CIT: variants seen among roughly 807,000 people sequenced by gnomAD.
CIT encodes the protein citron rho-interacting serine/threonine kinase.
In CIT, 79 loss-of-function variants were observed where a neutral mutation model predicts 272.7. That is an observed-to-expected ratio of 0.29 (90% CI 0.24 to 0.35). The LOEUF (loss-of-function observed/expected upper bound fraction) is 0.35, where lower values mean the gene tolerates loss of function less well. CIT is among the 10% of genes least tolerant of loss of function. The probability of loss-of-function intolerance (pLI) is 1.00; values close to 1 mark genes in which losing one functional copy is unlikely to be tolerated. For synonymous variants in CIT, 948 were observed against 995.6 expected, an observed-to-expected ratio of 0.95 and a Z score of 0.90; for missense variants, 1,909 against 2,618.3, an observed-to-expected ratio of 0.73 and a Z score of 5.91.
Position 119,776,767 on chromosome 12 carries a change from G to T in CIT, c.1741C>A (p.Arg581=), listed in dbSNP as rs757102339. 1 of 1,613,912 alleles carries T rather than the reference G, an allele frequency of 6.2e-7. No homozygotes were observed. The highest frequency in any genetic ancestry group is 8.5e-7 in the Non-Finnish European group (1 of 1,179,998). ...LEEDLVSARR[R]SDLYESELRE... is the part of the protein sequence containing the mutation. Reference sequence around the variant, plus strand: ...AGCTCAGATTCGTAGAGATCACTCCGTCTTCTTGCTGAGACAAGATCCTCT... The same window carrying T: ...AGCTCAGATTCGTAGAGATCACTCCTTCTTCTTGCTGAGACAAGATCCTCT... The change falls in exon 14 of 48, where the codon CGG becomes AGG. Residue 581 remains arginine (R), a synonymous_variant. Transcript: ENST00000392521.
rs368757887 is a variant in CIT at position 119,738,489 on chromosome 12, G to A, written c.2959-3132C>T. On this transcript the variant is annotated intron_variant, in intron 24 of 47. Transcript: ENST00000392521. ...TTCCATCTTAGCAGCAAAAAAAGAT[G>A]AGCAAAATATCTTCACAACGCAGGC... Among the ~76,000 whole-genome samples, 3 of 152,132 alleles carry A rather than the reference G, an allele frequency of 2.0e-5. No homozygotes were observed. In the East Asian group the frequency reaches 5.8e-4, roughly 29 times the overall value.
chr12:119,784,118 G>A lies in CIT; in HGVS notation c.1402-67C>T, dbSNP rs1964546490. Reference sequence around the variant, plus strand: ...TTCATTAGGAGCAATCACATCTCAAGTAGCCTCCGAAACCACCTGGTGGTC... The same window carrying A: ...TTCATTAGGAGCAATCACATCTCAAATAGCCTCCGAAACCACCTGGTGGTC... On this transcript the variant is annotated intron_variant, in intron 11 of 47. Transcript: ENST00000392521. The surrounding 1 kb of genome is among the most constrained non-coding windows in gnomAD (Gnocchi z 4.7). 2 of 1,613,208 alleles carry A rather than the reference G, an allele frequency of 1.2e-6. No homozygotes were observed. The highest frequency in any genetic ancestry group is 1.1e-5 in the South Asian group (1 of 90,902).
Position 119,710,164 on chromosome 12 carries a change from T to C in CIT, c.5071+87A>G. ...GAGCTACAACGGCTCCTCTCTACTATTTTGTGTTTTACGAGCATGAAACGT... is the reference window on the plus strand; with the variant it reads ...GAGCTACAACGGCTCCTCTCTACTACTTTGTGTTTTACGAGCATGAAACGT... On this transcript the variant is annotated intron_variant, in intron 39 of 47. Coordinates refer to ENST00000392521, the MANE Select transcript of CIT (RefSeq NM_001206999.2). This position sits in a 1 kb window ranked among gnomAD's most constrained non-coding sequence, Gnocchi z 5.6. 1 of 1,449,858 alleles carries C rather than the reference T, an allele frequency of 6.9e-7. No homozygotes were observed. The highest frequency in any genetic ancestry group is 9.4e-7 in the Non-Finnish European group (1 of 1,059,734). 89.8% of individuals were successfully genotyped at this position (1,449,858 alleles called of 1,614,324 possible). A position where few individuals can be genotyped will look rare whatever the true frequency, so the allele number is the denominator to read the frequency against.
At chr12:119,841,944 C>T (rs962607571) in intron 5 of CIT, among the ~76,000 whole-genome samples, 5 of 152,150 alleles carry the variant, frequency 3.3e-5, no homozygotes, top group Middle Eastern at 3.2e-3. Context: ...TACATCTCTA[C>T]ATGCAACCAG....
intron 5 of CIT, among the ~76,000 whole-genome samples, chr12:119,843,769 C>G (rs1026286772): frequency 6.6e-6 from 1 of 151,902 alleles, no homozygotes; most frequent in Non-Finnish European, 1.5e-5. Context: ...AAGATCGCGC[C>G]ACTGCACTCC....
At chr12:119,818,807 G>A (rs777039157) in intron 9 of CIT, among the ~76,000 whole-genome samples, 5 of 152,206 alleles carry the variant, frequency 3.3e-5, no homozygotes, top group Admixed American at 6.5e-5. Context: ...ATTTCTCACT[G>A]TTGAGATATG....
chr12:119,717,834 C>CTTGCTTTTTTTTTTTTTTTT (rs1957596158), intron 32 of CIT, among the ~76,000 whole-genome samples: 1 of 70,244 alleles, frequency 1.4e-5, no homozygotes. Flanking sequence ...AGACTGACTT[C>CTTGCTTTTTTTTTTTTTTTT]TTTCTTTTTT....
At chr12:119,861,357 G>A (rs905843641) in intron 3 of CIT, among the ~76,000 whole-genome samples, 19 of 152,014 alleles carry the variant, frequency 1.2e-4, no homozygotes, top group African/African-American at 4.3e-4. Flanking sequence ...AGGCTGAAGC[G>A]GGTGGATCAC....
At chr12:119,699,770 G>A (rs1355742196) in intron 44 of CIT, 2 of 456,098 alleles carry the variant, frequency 4.4e-6, no homozygotes, top group South Asian at 1.5e-5. Flanking sequence ...AAGCCACGGA[G>A]TTGGGGCCAA....
chr12:119,690,730 G>C lies in CIT; in HGVS notation c.5883-276C>G, dbSNP rs1186863721. On this transcript the variant is annotated intron_variant, in intron 46 of 47. Transcript: ENST00000392521. The surrounding 1 kb of genome is among the most constrained non-coding windows in gnomAD (Gnocchi z 6.0). ...CAGGCCTGTGCTAAGTTCTTCATCT[G>C]CCATCTCTCATTATCTCATTAAATC... is the stretch of plus-strand genomic sequence containing the variant. Among the ~76,000 whole-genome samples the C allele has an allele frequency of 6.6e-6, 1 of 152,218 alleles. No homozygotes were observed. The highest frequency in any genetic ancestry group is 1.5e-5 in the Non-Finnish European group (1 of 68,038).
intron 12 of CIT, 31 bp from the exon 13 acceptor site, chr12:119,782,668 C>T (rs935541564): frequency 1.2e-6 from 2 of 1,611,388 alleles, no homozygotes; most frequent in South Asian, 1.1e-5. Flanking sequence ...AATAGGGATG[C>T]CCTGTGGATC....
In CIT at chr12:119,857,522, C is replaced by A. The variant is rs1166988833; in HGVS notation, c.414+1G>T. ...AAAGCATGATGTTAAAATCCTCCTA[C>A]CTGCTCCTGGGCCAATAAAGCCTTC... is the stretch of plus-strand genomic sequence containing the variant. On this transcript the variant is annotated splice_donor_variant, in intron 4 of 47. Coordinates refer to ENST00000392521, the MANE Select transcript of CIT (RefSeq NM_001206999.2). LOFTEE classifies it high-confidence loss of function. 1 of 1,614,000 alleles carries A rather than the reference C, an allele frequency of 6.2e-7. No individual in the cohort carries two copies. The highest frequency in any genetic ancestry group is 1.7e-5 in the Admixed American group (1 of 60,016).
In CIT at chr12:119,767,166, T is replaced by C. The variant is rs1477734764; in HGVS notation, c.2225A>G (p.His742Arg). The change falls in exon 19 of 48, where the codon CAT becomes CGT. Residue 742 changes from histidine (H) to arginine (R), a missense_variant. By Grantham distance (29) the His-to-Arg change is conservative. This residue lies in a region of CIT where 530 missense variants were observed against 822.4 expected (regional missense o/e 0.64). Transcript: ENST00000392521. ...CTGGGCTGAGACTTGGGCCTCCCGA[T>C]GTTTCTCTTCGAGCTCCTAGACACA... The part of the protein sequence containing the change: ...ADKILELEEK[H>R]REAQVSAQHL... 8 of 1,610,236 alleles carry C rather than the reference T, an allele frequency of 5.0e-6. No individual in the cohort carries two copies. The highest frequency in any genetic ancestry group is 6.8e-6 in the Non-Finnish European group (8 of 1,178,162).
At position 119,713,529 on chromosome 12, in the gene CIT, C is replaced by G. The variant is rs140958024; in HGVS notation, c.4426G>C (p.Gly1476Arg). The change falls in exon 34 of 48, where the codon GGT (glycine) becomes CGT (arginine). Residue 1476 changes from glycine (G) to arginine (R), a missense_variant. This residue lies in a region of CIT where 780 missense variants were observed against 1,067.2 expected (regional missense o/e 0.73). Transcript: ENST00000392521. This position sits in a 1 kb window ranked among gnomAD's most constrained non-coding sequence, Gnocchi z 5.2. ...CTGCTGGGCTCCTTGGTCTGGAGAC[C>G]TGGGGAGTTCATTTTGTCACGGCAG... ...AFCRDKMNSP[G>R]LQTKEPSSSL... 1.7e-5 allele frequency: 27 copies of G among 1,614,192 alleles called. No individual in the cohort carries two copies. The highest frequency in any genetic ancestry group is 2.3e-5 in the Non-Finnish European group (27 of 1,180,040).
intron 43 of CIT, chr12:119,701,042 TAAAG>T (rs1300913262): frequency 6.9e-6 from 2 of 289,018 alleles, no homozygotes; most frequent in African/African-American, 2.2e-5. Context: ...TAAATTTTAT[TAAAG>T]AAAGAGAACT....
intron 5 of CIT, among the ~76,000 whole-genome samples, chr12:119,848,643 T>C (rs1969987346): frequency 6.6e-6 from 1 of 152,190 alleles, no homozygotes; most frequent in Non-Finnish European, 1.5e-5. Flanking sequence ...TGGGATACAC[T>C]GGTGAAAGGC....
chr12:119,757,772 G>T (rs773501600), intron 21 of CIT, among the ~76,000 whole-genome samples: 2 of 152,138 alleles, frequency 1.3e-5, no homozygotes, highest in Admixed American at 6.6e-5. Flanking sequence ...CCTCACATAT[G>T]GGATTAAGTA....
At chr12:119,760,900 C>T (rs989953426) in intron 20 of CIT, 39 bp downstream of exon 20, 1 of 1,325,384 alleles carries the variant, frequency 7.5e-7, no homozygotes, top group Non-Finnish European at 1.1e-6. Context: ...TTTCAAAAAC[C>T]CTCCTTTGAA....
chr12:119,832,838 A>C lies in CIT; in HGVS notation c.686T>G (p.Val229Gly). The change falls in exon 7 of 48, where the codon GTT (valine) becomes GGT (glycine). Residue 229 changes from valine to glycine, a missense_variant. By Grantham distance (109) the Val-to-Gly change is moderately radical (BLOSUM62 -3). Coordinates refer to ENST00000392521, the MANE Select transcript of CIT (RefSeq NM_001206999.2). ...CAGCTTGATGTGTCCTGTGCGGTCAACGAGAATGTTCTCAGGCTTGATGTC... is the reference window on the plus strand; with the variant it reads ...CAGCTTGATGTGTCCTGTGCGGTCACCGAGAATGTTCTCAGGCTTGATGTC... Reference protein sequence around the residue: ...HRDIKPENILVDRTGHIKLVD... With the variant: ...HRDIKPENILGDRTGHIKLVD... 1 of 1,614,116 alleles carries C rather than the reference A, an allele frequency of 6.2e-7. No individual in the cohort carries two copies. Among genetic ancestry groups the C allele is most frequent in the South Asian group, 1.1e-5 (1 of 91,082 alleles).
Sources: gnomAD v4.1 joint callset for allele counts (sites outside exome capture counted in the v4.1 genomes callset) on GRCh38, gnomAD v4.1.1 for gene constraint, gnomAD v4.1.1 regional missense constraint, Gnocchi (gnomAD v3.1) non-coding constraint, MANE v1.5 for transcripts, NCBI Gene and HGNC (gene_info 2026-07-23, HGNC 2026-07-21) for gene names.